PDE1B: variants seen among roughly 807,000 people sequenced by gnomAD.
PDE1B encodes phosphodiesterase 1B.
Under a neutral mutation model 66.7 loss-of-function variants are expected in PDE1B, and 13 were observed. The ratio of observed to expected loss-of-function variants is 0.19; its 90% CI spans 0.13 to 0.31. PDE1B has a LOEUF of 0.31. PDE1B is among the 10% of genes least tolerant of loss of function. PDE1B has a pLI of 1.00. For missense variants in PDE1B, 485 were observed against 682.3 expected (o/e 0.71, Z 3.22); for synonymous variants, 230 against 253.9 (o/e 0.91, Z 0.90).
chr12:54,572,912 T>G (rs1246670299), intron 7 of PDE1B, among the ~76,000 whole-genome samples, 171 bp downstream of exon 7: 1 of 152,138 alleles, frequency 6.6e-6, no homozygotes, highest in African/African-American at 2.4e-5. Flanking sequence ...CCAGGTAGAC[T>G]AAAACTCGTT....
chr12:54,563,477 A>T (rs907506640), intron 2 of PDE1B, among the ~76,000 whole-genome samples: 1 of 152,232 alleles, frequency 6.6e-6, no homozygotes, highest in Non-Finnish European at 1.5e-5. Flanking sequence ...TAAAGGAAAG[A>T]TCATGGCTAT....
At chr12:54,564,394 G>A (rs1260924634) in intron 2 of PDE1B, among the ~76,000 whole-genome samples, 1 of 151,778 alleles carries the variant, frequency 6.6e-6, no homozygotes, top group African/African-American at 2.4e-5. Flanking sequence ...CACTTTGGGA[G>A]GATGAGGTGG....
At position 54,549,908 on chromosome 12, in the gene PDE1B, G is replaced by T; in HGVS notation, c.36G>T (p.Leu12=). 1 of 1,614,132 alleles carries T rather than the reference G, an allele frequency of 6.2e-7. No individual in the cohort carries two copies. The highest frequency in any genetic ancestry group is 8.5e-7 in the Non-Finnish European group (1 of 1,179,970). The change falls in exon 2 of 16, where the codon CTG becomes CTT. Residue 12 remains leucine (L), a synonymous_variant. Transcript: ENST00000243052. ...CCCCCCGCAGTCCTCCGGAGATGCT[G>T]GAGGAGTCGGATTGCCCGTCACCCC... is the stretch of plus-strand genomic sequence containing the variant. ...ELSPRSPPEM[L]EESDCPSPLE...
At chr12:54,550,627 C>T (rs962119937) in intron 2 of PDE1B, among the ~76,000 whole-genome samples, 2 of 152,082 alleles carry the variant, frequency 1.3e-5, no homozygotes, top group South Asian at 4.2e-4. Flanking sequence ...GTTGGAGCCC[C>T]CACCTGGAAG....
At chr12:54,576,414 G>A in intron 13 of PDE1B, 157 bp from the exon 14 acceptor site, 1 of 775,252 alleles carries the variant, frequency 1.3e-6, no homozygotes, top group Non-Finnish European at 2.1e-6. Flanking sequence ...GAGGGGGAGA[G>A]GGACAGGGAC....
intron 2 of PDE1B, among the ~76,000 whole-genome samples, chr12:54,552,699 G>A (rs77406490): frequency 0.022 from 3,421 of 152,262 alleles, 50 homozygotes; most frequent in Middle Eastern, 0.037. Flanking sequence ...TCTCTTAACT[G>A]TGTGATTTTA....
intron 6 of PDE1B, 78 bp from the exon 7 acceptor site, chr12:54,572,523 A>G (rs2121139919): frequency 7.2e-7 from 1 of 1,381,388 alleles, no homozygotes; most frequent in Non-Finnish European, 1.0e-6. Flanking sequence ...TTCTAAAGAA[A>G]GTTGTTGATC....
At chr12:54,565,261 A>G (rs1274575199) in intron 2 of PDE1B, among the ~76,000 whole-genome samples, 1 of 152,226 alleles carries the variant, frequency 6.6e-6, no homozygotes, top group African/African-American at 2.4e-5. Context: ...AGAGAACTAT[A>G]GGCAGAAGAA....
intron 2 of PDE1B, among the ~76,000 whole-genome samples, chr12:54,564,829 T>G (rs1394461346): frequency 6.6e-6 from 1 of 152,184 alleles, no homozygotes; most frequent in Non-Finnish European, 1.5e-5. Context: ...GCTCAAAGGC[T>G]CACAGCAGGA....
intron 14 of PDE1B, 40 bp from the exon 15 acceptor site, chr12:54,577,184 CT>C: frequency 6.5e-7 from 1 of 1,528,738 alleles, no homozygotes; most frequent in Non-Finnish European, 9.0e-7. Flanking sequence ...GGGAAGAATA[CT>C]TCTTGGCCTA....
rs774810310 is a variant in PDE1B, at chr12:54,573,870, A to AGAGTGTGTGTGTGT, written c.1064+162_1064+163insAGTGTGTGTGTGTG. 17 of 502,102 alleles carry AGAGTGTGTGTGTGT rather than the reference A, an allele frequency of 3.4e-5. No individual in the cohort carries two copies. The highest frequency in any genetic ancestry group is 1.1e-4 in the South Asian group (5 of 44,466). 31.1% of individuals were successfully genotyped at this position (502,102 alleles called of 1,614,324 possible). On this transcript the variant is annotated intron_variant, in intron 10 of 15. Transcript: ENST00000243052. This position sits in a 1 kb window ranked among gnomAD's most constrained non-coding sequence, Gnocchi z 5.2. ...GCATCTCTATGTGAGAGAGAGAGAG[A>AGAGTGTGTGTGTGT]GTGTGTGTGTGTGTGTGTGTGTGTG...
At position 54,573,781 on chromosome 12, in the gene PDE1B, G is replaced by C. The variant is rs1957663616; in HGVS notation, c.1064+72G>C. On this transcript the variant is annotated intron_variant, in intron 10 of 15. Coordinates refer to ENST00000243052, the MANE Select transcript of PDE1B (RefSeq NM_000924.4). This position sits in a 1 kb window ranked among gnomAD's most constrained non-coding sequence, Gnocchi z 5.2. ...GTGTGAACTGGGGGGGTATACACAA[G>C]GGTAGTTGGTGTGCCAGGTCTTTAC... 9.0e-7 allele frequency: 1 copy of C among 1,115,660 alleles called. No homozygotes were observed. The highest frequency in any genetic ancestry group is 1.5e-5 in the African/African-American group (1 of 65,482). The allele number at this position is 1,115,660 out of a possible 1,614,324, so 69.1% of individuals were successfully genotyped here.
At chr12:54,551,756 C>T (rs1249898632) in intron 2 of PDE1B, among the ~76,000 whole-genome samples, 1 of 152,090 alleles carries the variant, frequency 6.6e-6, no homozygotes, top group Non-Finnish European at 1.5e-5. Context: ...GAGAAGTGCT[C>T]AGTGGTGAGA....
chr12:54,554,179 A>G (rs1039829724), intron 2 of PDE1B: 2 of 152,226 alleles, frequency 1.3e-5, no homozygotes, highest in Admixed American at 1.3e-4. Flanking sequence ...TGGGTGCCTC[A>G]TTGGTTTAAC....
At chr12:54,571,009 G>A (rs1347171060) in intron 6 of PDE1B, 1 of 152,394 alleles carries the variant, frequency 6.6e-6, no homozygotes, top group African/African-American at 2.4e-5. Context: ...GGAAGTAGAG[G>A]GTGAGGGAGG....
At chr12:54,576,127 T>A (rs1350597314) in intron 13 of PDE1B, 27 bp downstream of exon 13, 1 of 1,408,726 alleles carries the variant, frequency 7.1e-7, no homozygotes, top group African/African-American at 1.4e-5. Context: ...TAGCCAGATA[T>A]CTTGGTTCAG....
At chr12:54,563,375 CCTGA>C (rs1389509746) in intron 2 of PDE1B, among the ~76,000 whole-genome samples, 1 of 152,216 alleles carries the variant, frequency 6.6e-6, no homozygotes, top group Non-Finnish European at 1.5e-5. Flanking sequence ...GCCTTGACAA[CCTGA>C]CTGAGATGGA....
Position 54,579,225 on chromosome 12 carries a change from AG to A in PDE1B, c.*1384del. The stretch of plus-strand genomic sequence containing the variant: ...CCCTGCTATAGCCAGAGAACAATAA[AG>A]AAGGGAGACCAGGCCTGACTGTGTG... On this transcript the variant is annotated 3_prime_UTR_variant, in exon 16 of 16. Coordinates refer to ENST00000243052, the MANE Select transcript of PDE1B (RefSeq NM_000924.4). 1.0e-6 allele frequency: 1 copy of A among 984,786 alleles called. No homozygotes were observed. The highest frequency in any genetic ancestry group is 1.2e-6 in the Non-Finnish European group (1 of 829,444). The allele number at this position is 984,786 out of a possible 1,614,324, so 61.0% of individuals were successfully genotyped here. A position where few individuals can be genotyped will look rare whatever the true frequency, so the allele number is the denominator to read the frequency against.
Position 54,578,201 on chromosome 12 carries a change from G to A in PDE1B, c.*359G>A, listed in dbSNP as rs143775746. ...AGGGTCAGAGATGCCAGCCCCCTGG[G>A]ACCTCCCCCATCCTTTTTGCCTCCA... On this transcript the variant is annotated 3_prime_UTR_variant, in exon 16 of 16. Transcript: ENST00000243052. The A allele has an allele frequency of 9.3e-4, 141 of 152,358 alleles. No homozygotes were observed. Among genetic ancestry groups the A allele is most frequent in the Middle Eastern group, 3.4e-3 (1 of 298 alleles). 9.4% of individuals were successfully genotyped at this position (152,358 alleles called of 1,614,324 possible).
Sources: allele counts gnomAD v4.1 joint callset (sites outside exome capture counted in the v4.1 genomes callset), GRCh38; gene constraint gnomAD v4.1.1; non-coding constraint Gnocchi (gnomAD v3.1); transcripts MANE v1.5; gene names NCBI Gene and HGNC (gene_info 2026-07-23, HGNC 2026-07-21).